Variants in FKBP5 observed in about 807,000 individuals in gnomAD.
FKBP5 encodes the protein peptidyl-prolyl cis-trans isomerase FKBP5.
In FKBP5, 23 loss-of-function variants were observed where a neutral mutation model predicts 50.5. The observed-to-expected ratio is 0.46, with a 90% confidence interval of 0.33 to 0.65. FKBP5 has a LOEUF of 0.65. Among genes scored for constraint, FKBP5 ranks in the 30% least tolerant of loss-of-function variants. The pLI is 0.02. For synonymous variants in FKBP5, 176 were observed against 190.6 expected, an observed-to-expected ratio of 0.92 and a Z score of 0.63; for missense variants, 411 against 553.1, an observed-to-expected ratio of 0.74 and a Z score of 2.58.
chr6:35,721,961 A>G (rs77168471), intron 1 of FKBP5, among the ~76,000 whole-genome samples: 6,470 of 152,232 alleles, frequency 0.043, 146 homozygotes, highest in East Asian at 0.063. Flanking sequence ...AGGACTTTGC[A>G]TGTGCTGTGC....
At chr6:35,617,404 C>T (rs1293160597) in intron 5 of FKBP5, among the ~76,000 whole-genome samples, 1 of 152,052 alleles carries the variant, frequency 6.6e-6, no homozygotes, top group African/African-American at 2.4e-5. Context: ...CCATAGCACG[C>T]TATAGCCTCG....
chr6:35,625,287 G>A (rs1458730271), intron 3 of FKBP5, among the ~76,000 whole-genome samples: 2 of 151,996 alleles, frequency 1.3e-5, no homozygotes, highest in East Asian at 2.0e-4. Flanking sequence ...GTTTCACCAC[G>A]TTGGTCAGGC....
chr6:35,701,307 G>A (rs1179122757), intron 2 of FKBP5, among the ~76,000 whole-genome samples: 3 of 148,548 alleles, frequency 2.0e-5, no homozygotes, highest in South Asian at 2.1e-4. Flanking sequence ...GCAGTGGCGG[G>A]ATCTCGGCTC....
chr6:35,656,938 A>G, intron 1 of FKBP5, among the ~76,000 whole-genome samples: 1 of 149,158 alleles, frequency 6.7e-6, no homozygotes, highest in Non-Finnish European at 1.5e-5. Flanking sequence ...AAAGCCGGGC[A>G]CGGTGGCTCA....
chr6:35,661,985 G>A (rs888234997), intron 1 of FKBP5, among the ~76,000 whole-genome samples: 3 of 152,132 alleles, frequency 2.0e-5, no homozygotes, highest in African/African-American at 7.2e-5. Context: ...TACAGTGCCT[G>A]TTACATGGTA....
intron 1 of FKBP5, among the ~76,000 whole-genome samples, chr6:35,654,492 C>A (rs970886471): frequency 5.9e-5 from 9 of 152,082 alleles, no homozygotes; most frequent in Non-Finnish European, 1.2e-4. Context: ...GTGTACTATT[C>A]CCCTCATTGT....
chr6:35,664,202 C>A (rs954008984), intron 1 of FKBP5, among the ~76,000 whole-genome samples: 1 of 152,060 alleles, frequency 6.6e-6, no homozygotes, highest in Admixed American at 6.5e-5. Flanking sequence ...TTTGTATTAG[C>A]CAAGTTTTAA....
chr6:35,577,363 T>C (rs1762253239), intron 9 of FKBP5, 130 bp from the exon 10 acceptor site: 1 of 742,632 alleles, frequency 1.3e-6, no homozygotes, highest in African/African-American at 1.7e-5. Flanking sequence ...GATAATTACA[T>C]ACTACTGATC....
intron 1 of FKBP5, among the ~76,000 whole-genome samples, chr6:35,661,196 G>C (rs1765061343): frequency 1.2e-5 from 1 of 82,318 alleles, no homozygotes; most frequent in Non-Finnish European, 2.8e-5. Flanking sequence ...GCTACATTGA[G>C]CAGGCTGGTC....
At chr6:35,644,166 T>A (rs1764568553) in intron 1 of FKBP5, among the ~76,000 whole-genome samples, 1 of 152,222 alleles carries the variant, frequency 6.6e-6, no homozygotes, top group South Asian at 2.1e-4. Context: ...CATTTTTTCA[T>A]GCAAGGCAAG....
chr6:35,633,032 A>AT, intron 3 of FKBP5, among the ~76,000 whole-genome samples: 1 of 152,198 alleles, frequency 6.6e-6, no homozygotes, highest in East Asian at 1.9e-4. Context: ...TTTCAATGGG[A>AT]TTTTTACAGA....
intron 3 of FKBP5, among the ~76,000 whole-genome samples, chr6:35,634,890 A>T (rs2150985560): frequency 6.6e-6 from 1 of 152,230 alleles, no homozygotes; most frequent in Middle Eastern, 3.4e-3. Flanking sequence ...TGAACTAAAG[A>T]CATTTAACAG....
At chr6:35,607,678 G>T in intron 5 of FKBP5, 1 of 156,060 alleles carries the variant, frequency 6.4e-6, no homozygotes, top group South Asian at 1.8e-4. Flanking sequence ...GCCACAAGGT[G>T]ACCGAGAACA....
At chr6:35,624,613 T>C (rs1417730285) in intron 3 of FKBP5, among the ~76,000 whole-genome samples, 1 of 150,726 alleles carries the variant, frequency 6.6e-6, no homozygotes, top group Non-Finnish European at 1.5e-5. Flanking sequence ...CTACCAGTTC[T>C]AGCTTTGGTC....
chr6:35,727,477 C>A (rs1042310979), intron 1 of FKBP5, among the ~76,000 whole-genome samples: 1 of 152,214 alleles, frequency 6.6e-6, no homozygotes, highest in Non-Finnish European at 1.5e-5. Context: ...AGTGTCTGGG[C>A]TCTCCCTACT....
At chr6:35,653,537 C>A (rs1030436668) in intron 1 of FKBP5, among the ~76,000 whole-genome samples, 1 of 152,110 alleles carries the variant, frequency 6.6e-6, no homozygotes, top group Non-Finnish European at 1.5e-5. Context: ...CTGGCATATT[C>A]CACACATCTG....
intron 3 of FKBP5, among the ~76,000 whole-genome samples, chr6:35,625,712 G>A (rs1333030276): frequency 1.4e-5 from 2 of 147,968 alleles, no homozygotes; most frequent in Non-Finnish European, 3.0e-5. Context: ...CTCCAGCCTG[G>A]GCGACAGAGC....
intron 1 of FKBP5, among the ~76,000 whole-genome samples, chr6:35,726,606 GATCTTTCTCCCAT>G (rs1766718251): frequency 6.7e-6 from 1 of 148,942 alleles, no homozygotes; most frequent in Non-Finnish European, 1.5e-5. Context: ...AACCTCCTGG[GATCTTTCTCCCAT>G]ATCTTTCTCC....
At chr6:35,703,271 G>A (rs1184618601) in intron 2 of FKBP5, among the ~76,000 whole-genome samples, 4 of 151,914 alleles carry the variant, frequency 2.6e-5, no homozygotes, top group Non-Finnish European at 5.9e-5. Flanking sequence ...AATTAGCCAG[G>A]TGTGGTAGTG....
Sources: gnomAD v4.1 joint callset for allele counts (sites outside exome capture counted in the v4.1 genomes callset) on GRCh38, gnomAD v4.1.1 for gene constraint, MANE v1.5 for transcripts, NCBI Gene and HGNC (gene_info 2026-07-23, HGNC 2026-07-21) for gene names.